NAALADL2: variants seen among roughly 807,000 people sequenced by gnomAD.
The protein encoded by NAALADL2 is inactive N-acetylated-alpha-linked acidic dipeptidase-like protein 2.
Under a neutral mutation model 87.2 loss-of-function variants are expected in NAALADL2, and 76 were observed. The ratio of observed to expected loss-of-function variants is 0.87; its 90% CI spans 0.72 to 1.05. The LOEUF (loss-of-function observed/expected upper bound fraction) is 1.05. Ranked by LOEUF, NAALADL2 falls within the 50% of genes least tolerant of loss-of-function variation. The probability of loss-of-function intolerance (pLI) is 0.00; values close to 1 mark genes in which losing one functional copy is unlikely to be tolerated. For synonymous variants in NAALADL2, 354 were observed against 331.0 expected (o/e 1.07, Z -0.75); for missense variants, 1,089 against 945.8 (o/e 1.15, Z -1.99).
At chr3:174,442,306 A>G (rs535586283) in intron 1 of NAALADL2, among the ~76,000 whole-genome samples, 43 of 152,272 alleles carry the variant, frequency 2.8e-4, no homozygotes, top group African/African-American at 9.4e-4. Flanking sequence ...TACGATTTTC[A>G]CCATTTTTTC....
At chr3:175,654,106 C>A (rs1020216907) in intron 11 of NAALADL2, among the ~76,000 whole-genome samples, 1 of 152,136 alleles carries the variant, frequency 6.6e-6, no homozygotes, top group Admixed American at 6.5e-5. Flanking sequence ...TAGGGGTTAG[C>A]GGCTTTATTG....
chr3:175,772,080 C>T (rs939628363), intron 13 of NAALADL2, among the ~76,000 whole-genome samples: 3 of 152,094 alleles, frequency 2.0e-5, no homozygotes, highest in African/African-American at 7.2e-5. Context: ...CACAGCCAAA[C>T]CGTATCAACA....
chr3:175,637,828 C>T (rs1431739296), intron 11 of NAALADL2, among the ~76,000 whole-genome samples: 3 of 152,170 alleles, frequency 2.0e-5, no homozygotes, highest in Admixed American at 6.5e-5. Flanking sequence ...ATTAAATACA[C>T]ACTTTTGGTT....
At chr3:175,686,998 G>A (rs1334439826) in intron 11 of NAALADL2, among the ~76,000 whole-genome samples, 1 of 152,108 alleles carries the variant, frequency 6.6e-6, no homozygotes, top group Non-Finnish European at 1.5e-5. Context: ...AATATCAGAT[G>A]TCAAGTAGCT....
intron 1 of NAALADL2, among the ~76,000 whole-genome samples, chr3:175,069,747 G>A (rs1420774935): frequency 6.6e-6 from 1 of 151,940 alleles, no homozygotes; most frequent in Non-Finnish European, 1.5e-5. Context: ...CAATAGCAAA[G>A]ACTTGGAACC....
In NAALADL2 at chr3:175,665,932, C is replaced by G. The variant is rs566914725; in HGVS notation, c.1896+38546C>G. 1.6e-4 allele frequency among the ~76,000 whole-genome samples: 25 copies of G among 151,626 alleles called. No homozygotes were observed. The Middle Eastern group carries it at 0.01, about 62-fold the overall frequency. On this transcript the variant is annotated intron_variant, in intron 11 of 13. Coordinates refer to ENST00000454872, the MANE Select transcript of NAALADL2 (RefSeq NM_207015.3). ...GCAACAGAGTGGGACTCTGTCCCCC[C>G]CCCAAAAAAAAGGTTTTATTATATT...
chr3:175,333,457 G>T (rs1386993884), intron 5 of NAALADL2, among the ~76,000 whole-genome samples: 1 of 152,070 alleles, frequency 6.6e-6, no homozygotes, highest in African/African-American at 2.4e-5. Flanking sequence ...ATAAAATGTG[G>T]TATATATGCA....
At chr3:175,672,071 A>G (rs1422198201) in intron 11 of NAALADL2, among the ~76,000 whole-genome samples, 1 of 152,104 alleles carries the variant, frequency 6.6e-6, no homozygotes, top group Admixed American at 6.6e-5. Flanking sequence ...GAACACTGTT[A>G]TTTCAGGACT....
At chr3:174,628,880 G>A (rs1161093878) in intron 2 of NAALADL2, among the ~76,000 whole-genome samples, 3 of 152,168 alleles carry the variant, frequency 2.0e-5, no homozygotes, top group African/African-American at 7.2e-5. Flanking sequence ...AGGAATATGT[G>A]TAAGGTGAGA....
At chr3:174,584,470 A>G (rs992315743) in intron 2 of NAALADL2, among the ~76,000 whole-genome samples, 5 of 152,152 alleles carry the variant, frequency 3.3e-5, no homozygotes, top group African/African-American at 2.4e-5. Context: ...TATCATGTAT[A>G]TGTTAAAGAT....
intron 5 of NAALADL2, among the ~76,000 whole-genome samples, chr3:175,367,451 A>G (rs1348506308): frequency 6.6e-6 from 1 of 152,146 alleles, no homozygotes; most frequent in South Asian, 2.1e-4. Flanking sequence ...ACCTGGGGCA[A>G]TACGGCCATT....
intron 10 of NAALADL2, among the ~76,000 whole-genome samples, chr3:175,607,061 C>G (rs1339596202): frequency 2.0e-5 from 3 of 152,154 alleles, no homozygotes; most frequent in African/African-American, 4.8e-5. Flanking sequence ...GAAAATTACA[C>G]AGAGAGAGTA....
At chr3:175,070,650 A>G (rs2109145162) in intron 1 of NAALADL2, among the ~76,000 whole-genome samples, 1 of 152,180 alleles carries the variant, frequency 6.6e-6, no homozygotes, top group Admixed American at 6.5e-5. Context: ...CCAACATGTC[A>G]AATATGCAGA....
chr3:175,257,201 A>AT (rs1192624845), intron 4 of NAALADL2: 3 of 115,826 alleles, frequency 2.6e-5, no homozygotes, highest in Non-Finnish European at 6.2e-5. Context: ...TTTAAAAAAA[A>AT]AAAAAAAAAA....
chr3:174,544,919 A>G (rs1255113588), intron 1 of NAALADL2, among the ~76,000 whole-genome samples: 1 of 152,002 alleles, frequency 6.6e-6, no homozygotes, highest in Non-Finnish European at 1.5e-5. Flanking sequence ...TCCGTTGCCC[A>G]GGCTGAAGTG....
At chr3:174,592,646 G>A (rs1186036122) in intron 2 of NAALADL2, among the ~76,000 whole-genome samples, 9 of 152,024 alleles carry the variant, frequency 5.9e-5, no homozygotes, top group African/African-American at 2.2e-4. Context: ...TGAAGAAATC[G>A]TTTTAGAACT....
chr3:175,272,165 G>A (rs754293030), intron 4 of NAALADL2, among the ~76,000 whole-genome samples: 10 of 152,072 alleles, frequency 6.6e-5, no homozygotes, highest in South Asian at 2.1e-4. Flanking sequence ...TTTAGACATC[G>A]ATGGACTAAT....
At chr3:175,177,167 C>G (rs1399712504) in intron 2 of NAALADL2, among the ~76,000 whole-genome samples, 3 of 152,028 alleles carry the variant, frequency 2.0e-5, no homozygotes, top group Non-Finnish European at 4.4e-5. Flanking sequence ...TATGCTCCAG[C>G]TTCTTGTGTC....
intron 1 of NAALADL2, among the ~76,000 whole-genome samples, chr3:174,532,289 A>G (rs1721318691): frequency 6.6e-6 from 1 of 152,178 alleles, no homozygotes; most frequent in Admixed American, 6.5e-5. Context: ...GTGAAGATCC[A>G]TTACTATAAC....
Sources: allele counts gnomAD v4.1 joint callset (sites outside exome capture counted in the v4.1 genomes callset), GRCh38; gene constraint gnomAD v4.1.1; transcripts MANE v1.5; gene names NCBI Gene and HGNC (gene_info 2026-07-23, HGNC 2026-07-21).